Variants in ZNF892 observed in about 807,000 individuals in gnomAD.
ZNF892 encodes zinc finger protein 570-like.
the ZNF892 span, among the ~76,000 whole-genome samples, chr2:95,255,799 C>G: frequency 9.3e-4 from 141 of 152,318 alleles, no homozygotes; most frequent in African/African-American, 3.2e-3. Flanking sequence ...ATAGTTAGCT[C>G]TTCTTGTTGA....
the ZNF892 span, among the ~76,000 whole-genome samples, chr2:95,256,898 T>A: frequency 3.9e-5 from 6 of 152,244 alleles, no homozygotes; most frequent in African/African-American, 1.4e-4. Flanking sequence ...ATCATGTAGT[T>A]CTTGTGCCGT....
chr2:95,227,694 G>A, the ZNF892 span, among the ~76,000 whole-genome samples: 1 of 152,106 alleles, frequency 6.6e-6, no homozygotes, highest in Non-Finnish European at 1.5e-5. Flanking sequence ...ATAGCTCAGT[G>A]TAACCTTGAA....
the ZNF892 span, among the ~76,000 whole-genome samples, chr2:95,230,016 T>C: frequency 6.8e-6 from 1 of 148,012 alleles, no homozygotes; most frequent in African/African-American, 2.5e-5. Context: ...TTTTCTGTGG[T>C]ATATATATAT....
the ZNF892 span, among the ~76,000 whole-genome samples, chr2:95,261,398 G>C: frequency 6.6e-6 from 1 of 151,882 alleles, no homozygotes; most frequent in African/African-American, 2.4e-5. Context: ...GGGTTCAAGT[G>C]ATTCTCCTGC....
the ZNF892 span, chr2:95,232,044 T>G: frequency 6.6e-6 from 1 of 152,214 alleles, no homozygotes; most frequent in Non-Finnish European, 1.5e-5. Flanking sequence ...TTCAAAAGAC[T>G]GTGCCTGAGG....
chr2:95,238,374 G>T, the ZNF892 span, among the ~76,000 whole-genome samples: 1 of 152,184 alleles, frequency 6.6e-6, no homozygotes, highest in Admixed American at 6.5e-5. Context: ...TCTGTTTATA[G>T]CATGGTTTAC....
chr2:95,220,726 A>C, the ZNF892 span, among the ~76,000 whole-genome samples: 1 of 152,132 alleles, frequency 6.6e-6, no homozygotes. Context: ...ATAAGCTGCC[A>C]ATTTGATAGG....
chr2:95,228,366 G>A, the ZNF892 span, among the ~76,000 whole-genome samples: 8 of 152,178 alleles, frequency 5.3e-5, no homozygotes, highest in Non-Finnish European at 1.2e-4. Flanking sequence ...GGAGTTCAAG[G>A]TTATAGTGAG....
the ZNF892 span, among the ~76,000 whole-genome samples, chr2:95,245,461 G>GGCA: frequency 0.025 from 291 of 11,590 alleles, 13 homozygotes; most frequent in African/African-American, 0.12. Context: ...GGGGGGGGGG[G>GGCA]GGTTTCACCA....
the ZNF892 span, among the ~76,000 whole-genome samples, chr2:95,248,384 T>G: frequency 6.6e-6 from 1 of 152,148 alleles, no homozygotes; most frequent in Admixed American, 6.5e-5. Flanking sequence ...AACTAACTAT[T>G]GAGCACTATG....
the ZNF892 span, among the ~76,000 whole-genome samples, chr2:95,213,304 C>T: frequency 6.6e-6 from 1 of 152,154 alleles, no homozygotes; most frequent in Non-Finnish European, 1.5e-5. Context: ...ACCTATTCTA[C>T]CTATTTGTCC....
At chr2:95,243,502 G>T in the ZNF892 span, among the ~76,000 whole-genome samples, 1 of 146,894 alleles carries the variant, frequency 6.8e-6, no homozygotes, top group Non-Finnish European at 1.5e-5. Context: ...CTGCCCTGCC[G>T]CCCCGTCCGG....
At chr2:95,229,696 T>C in the ZNF892 span, among the ~76,000 whole-genome samples, 1 of 152,240 alleles carries the variant, frequency 6.6e-6, no homozygotes, top group Admixed American at 6.5e-5. Context: ...TTATTCATTC[T>C]ACTGTTGATA....
At chr2:95,213,301 C>T in the ZNF892 span, among the ~76,000 whole-genome samples, 1 of 152,200 alleles carries the variant, frequency 6.6e-6, no homozygotes, top group African/African-American at 2.4e-5. Flanking sequence ...TTAACCTATT[C>T]TACCTATTTG....
At chr2:95,258,667 G>A in the ZNF892 span, among the ~76,000 whole-genome samples, 2 of 152,094 alleles carry the variant, frequency 1.3e-5, no homozygotes, top group African/African-American at 4.8e-5. Flanking sequence ...TCCAACACCT[G>A]GATCCCTTGA....
the ZNF892 span, among the ~76,000 whole-genome samples, chr2:95,252,753 T>C: frequency 1.3e-5 from 2 of 152,306 alleles, no homozygotes; most frequent in African/African-American, 4.8e-5. Context: ...ACCTGTTGTT[T>C]CCTGACTTTT....
the ZNF892 span, among the ~76,000 whole-genome samples, chr2:95,230,331 T>C: frequency 6.6e-6 from 1 of 152,182 alleles, no homozygotes; most frequent in Non-Finnish European, 1.5e-5. Context: ...TACTTATCCA[T>C]GTAACCAAAC....
the ZNF892 span, among the ~76,000 whole-genome samples, chr2:95,260,368 G>A: frequency 3.3e-5 from 5 of 151,928 alleles, no homozygotes; most frequent in Admixed American, 6.6e-5. Flanking sequence ...CGTGTTACCC[G>A]CCTTCTCCCT....
chr2:95,237,661 G>A, the ZNF892 span, among the ~76,000 whole-genome samples: 2 of 152,248 alleles, frequency 1.3e-5, no homozygotes, highest in East Asian at 3.8e-4. Context: ...AGGAAGGCAT[G>A]TCCAAAGCCG....
Sources: gnomAD v4.1 joint callset for allele counts (sites outside exome capture counted in the v4.1 genomes callset) on GRCh38, gnomAD v4.1.1 for gene constraint, MANE v1.5 for transcripts, NCBI Gene and HGNC (gene_info 2026-07-23, HGNC 2026-07-21) for gene names.